The following EIF4B variants were observed in gnomAD, a reference collection of about 807,000 sequenced individuals.
EIF4B encodes the protein eukaryotic translation initiation factor 4B.
A neutral mutation model predicts 79.3 loss-of-function variants in EIF4B; 8 were observed. That is an observed-to-expected ratio of 0.10 (90% confidence interval 0.06 to 0.18). The LOEUF (loss-of-function observed/expected upper bound fraction) is 0.18, where lower values mean the gene tolerates loss of function less well. Among genes scored for constraint, EIF4B ranks in the 10% least tolerant of loss-of-function variants. The pLI is 1.00. For synonymous variants in EIF4B, 238 were observed against 274.7 expected, an observed-to-expected ratio of 0.87 and a Z score of 1.32; for missense variants, 515 against 792.4, an observed-to-expected ratio of 0.65 and a Z score of 4.20.
At position 53,037,673 on chromosome 12, in the gene EIF4B, G is replaced by A. The variant is rs368280953; in HGVS notation, c.1520+51G>A. 4.4e-6 allele frequency: 7 copies of A among 1,584,834 alleles called. No homozygotes were observed. In the African/African-American group the frequency reaches 8.1e-5, roughly 18 times the overall value. On this transcript the variant is annotated intron_variant, in intron 11 of 14. Transcript: ENST00000262056. ...GGTTAACTGCAGATTCTAAAATACT[G>A]TGATGTAATGATGGAAGATCTCCTA...
At chr12:53,018,615 T>C (rs1943185599) in intron 2 of EIF4B, among the ~76,000 whole-genome samples, 183 bp from the exon 3 acceptor site, 1 of 152,172 alleles carries the variant, frequency 6.6e-6, no homozygotes, top group African/African-American at 2.4e-5. Context: ...AAGATTAAGG[T>C]GTCATAATTA....
chr12:53,031,063 T>C (rs1166131157), intron 8 of EIF4B, among the ~76,000 whole-genome samples: 3 of 152,210 alleles, frequency 2.0e-5, no homozygotes, highest in African/African-American at 7.2e-5. Context: ...CGTTGAGGCC[T>C]CATTGCTGCA....
chr12:53,035,526 A>G (rs10876399), intron 10 of EIF4B, among the ~76,000 whole-genome samples: 122,166 of 151,660 alleles, frequency 0.81, 51,257 homozygotes, highest in Non-Finnish European at 0.93. Flanking sequence ...CCACCACCAC[A>G]CCCAGCTAAT....
rs1218453930 is a variant in EIF4B, at chr12:53,041,812, A to G, written c.*1589A>G. ...AAAGGTGTGTACCAAGTGAATTTAA[A>G]TAATTGGTGTGGATTGGCCAGTAGC... is the stretch of plus-strand genomic sequence containing the variant. On this transcript the variant is annotated 3_prime_UTR_variant, in exon 15 of 15. Transcript: ENST00000262056. 2 of 142,920 alleles carry G rather than the reference A, an allele frequency of 1.4e-5. No homozygotes were observed. The highest frequency in any genetic ancestry group is 3.2e-5 in the Non-Finnish European group (2 of 63,106). 8.9% of individuals were successfully genotyped at this position (142,920 alleles called of 1,614,324 possible). A position where few individuals can be genotyped will look rare whatever the true frequency, so the allele number is the denominator to read the frequency against.
intron 1 of EIF4B, among the ~76,000 whole-genome samples, chr12:53,008,903 C>T (rs1201654403): frequency 2.6e-5 from 4 of 151,866 alleles, no homozygotes; most frequent in Admixed American, 6.6e-5. Context: ...GGCGTGGTGT[C>T]GCGTGCTTGT....
chr12:53,031,319 A>G (rs1162927405), intron 8 of EIF4B, among the ~76,000 whole-genome samples: 1 of 152,204 alleles, frequency 6.6e-6, no homozygotes, highest in Non-Finnish European at 1.5e-5. Flanking sequence ...TCTGTCGCCC[A>G]GGCTAGAATT....
At chr12:53,023,212 G>C (rs1380461360) in intron 6 of EIF4B, among the ~76,000 whole-genome samples, 1 of 152,172 alleles carries the variant, frequency 6.6e-6, no homozygotes, top group Non-Finnish European at 1.5e-5. Context: ...AGCATACAAA[G>C]ATCAGTTGCA....
At chr12:53,011,736 T>G (rs1398073154) in intron 1 of EIF4B, among the ~76,000 whole-genome samples, 1 of 152,230 alleles carries the variant, frequency 6.6e-6, no homozygotes, top group East Asian at 1.9e-4. Context: ...TAACGGCTTC[T>G]GGACTTAGCA....
rs1565591508 is a variant in EIF4B, at chr12:53,032,676, T to G, written c.980-1130T>G. Among the ~76,000 whole-genome samples the G allele has an allele frequency of 2.6e-5, 4 of 151,484 alleles. No homozygotes were observed. The East Asian group carries it at 7.7e-4, about 29-fold the overall frequency. On this transcript the variant is annotated intron_variant, in intron 8 of 14. Coordinates refer to ENST00000262056, the MANE Select transcript of EIF4B (RefSeq NM_001417.7). Reference sequence around the variant, plus strand: ...TTGAACTTGGGTTTTTTTGTTTTTTTTTTTTTTTGAGATGGAGTTTGGCAC... The same window carrying G: ...TTGAACTTGGGTTTTTTTGTTTTTTGTTTTTTTTGAGATGGAGTTTGGCAC...
rs759552126 is a variant in EIF4B at position 53,016,497 on chromosome 12, A to C, written c.38A>C (p.Lys13Thr). The C allele has an allele frequency of 6.2e-7, 1 of 1,612,730 alleles. No individual in the cohort carries two copies. Residue 13 changes from lysine (K) to threonine (T), a missense_variant, in exon 2 of 15, where the codon AAG becomes ACG. Lys to Thr is a moderately conservative substitution (Grantham distance 78). Transcript: ENST00000262056. The part of the protein sequence containing the change: ...ASAKKKNKKG[K>T]TISLTDFLAE... The stretch of plus-strand genomic sequence containing the variant: ...GCAAAAAAGAAGAATAAGAAGGGGA[A>C]GACTATCTCCCTAACAGACTTTCTG...
At chr12:53,023,899 A>C (rs1297841906) in intron 6 of EIF4B, among the ~76,000 whole-genome samples, 1 of 152,230 alleles carries the variant, frequency 6.6e-6, no homozygotes, top group Non-Finnish European at 1.5e-5. Flanking sequence ...GTAACTTTCT[A>C]AAATAAAAAT....
chr12:53,034,959 T>C (rs962838908), intron 10 of EIF4B, among the ~76,000 whole-genome samples: 13 of 36,944 alleles, frequency 3.5e-4, no homozygotes, highest in South Asian at 1.8e-3. Flanking sequence ...TCTCTCTCTT[T>C]TTTTTTTTTT....
At chr12:53,007,863 T>C (rs1942995264) in intron 1 of EIF4B, among the ~76,000 whole-genome samples, 1 of 152,186 alleles carries the variant, frequency 6.6e-6, no homozygotes, top group Non-Finnish European at 1.5e-5. Context: ...TCTCCTTCCA[T>C]CCTGAGGTAC....
chr12:53,027,256 C>T (rs535700304), intron 6 of EIF4B, among the ~76,000 whole-genome samples: 1 of 150,042 alleles, frequency 6.7e-6, no homozygotes, highest in East Asian at 2.0e-4. Flanking sequence ...GTCTCATCCT[C>T]CCAAGTAGCT....
intron 1 of EIF4B, among the ~76,000 whole-genome samples, chr12:53,014,072 G>C (rs960781624): frequency 6.6e-6 from 1 of 151,966 alleles, no homozygotes; most frequent in African/African-American, 2.4e-5. Context: ...TACAGTGGGA[G>C]AATTGCTTGA....
Position 53,006,503 on chromosome 12 carries a change from G to C in EIF4B, c.13+7G>C, listed in dbSNP as rs367624532. 7.4e-6 allele frequency: 12 copies of C among 1,613,560 alleles called. 1 individual carries two copies. The highest frequency in any genetic ancestry group is 6.7e-5 in the African/African-American group (5 of 75,024). ...CCCAACATGGCGGCCTCAGGTGAGC[G>C]AGCAGCCGAGCGCGGCCAAGGACTG... On this transcript the variant is annotated splice_region_variant and intron_variant, in intron 1 of 14. Coordinates refer to ENST00000262056, the MANE Select transcript of EIF4B (RefSeq NM_001417.7).
intron 5 of EIF4B, chr12:53,022,258 T>C: frequency 1.4e-6 from 1 of 704,394 alleles, no homozygotes; most frequent in Admixed American, 2.0e-5. Context: ...TTTCAGGGAC[T>C]CCTGGCCCAT....
chr12:53,033,177 G>T (rs1339361637), intron 8 of EIF4B, among the ~76,000 whole-genome samples: 4 of 149,156 alleles, frequency 2.7e-5, no homozygotes, highest in African/African-American at 9.9e-5. Context: ...GCACCACCAT[G>T]CCTGGCTAAT....
At chr12:53,022,465 T>TA (rs772348314) in intron 5 of EIF4B, 28 bp from the exon 6 acceptor site, 8 of 1,607,924 alleles carry the variant, frequency 5.0e-6, no homozygotes, top group Non-Finnish European at 6.8e-6. Flanking sequence ...TGAGATAACT[T>TA]ACGGTTTTTG....
Sources: allele counts gnomAD v4.1 joint callset (sites outside exome capture counted in the v4.1 genomes callset), GRCh38; gene constraint gnomAD v4.1.1; transcripts MANE v1.5; gene names NCBI Gene and HGNC (gene_info 2026-07-23, HGNC 2026-07-21).